Variants in SEPTIN3 observed in about 807,000 individuals in gnomAD.
SEPTIN3 encodes neuronal-specific septin-3.
A neutral mutation model predicts 45.1 loss-of-function variants in SEPTIN3; 15 were observed. The ratio of observed to expected loss-of-function variants is 0.33; its 90% CI spans 0.22 to 0.51. SEPTIN3 has a LOEUF of 0.51. SEPTIN3 is among the 20% of genes least tolerant of loss of function. The pLI, the probability that SEPTIN3 is intolerant of heterozygous loss-of-function variation, is 0.97. For missense variants in SEPTIN3, 289 were observed against 457.2 expected, an observed-to-expected ratio of 0.63 and a Z score of 3.35; for synonymous variants, 148 against 164.8, an observed-to-expected ratio of 0.90 and a Z score of 0.78.
chr22:41,993,392 T>G (rs941167747), intron 9 of SEPTIN3, among the ~76,000 whole-genome samples: 1 of 151,908 alleles, frequency 6.6e-6, no homozygotes, highest in African/African-American at 2.4e-5. Context: ...TGGCGCAATC[T>G]CAGCTCACTG....
Position 41,983,128 on chromosome 22 carries a change from G to A in SEPTIN3, c.1696+1292G>A, listed in dbSNP as rs190540138. ...CTGACTTTCTCTCACCTGGCTTGCC[G>A]TGGCCACCTGACTCTGTGCTGTCAA... On this transcript the variant is annotated intron_variant, in intron 3 of 11. Coordinates refer to ENST00000644076, the MANE Select transcript of SEPTIN3 (RefSeq NM_001363845.2). Among the ~76,000 whole-genome samples the A allele has an allele frequency of 1.2e-3, 178 of 152,214 alleles. 1 individual carries two copies. Among genetic ancestry groups the A allele is most frequent in the Non-Finnish European group, 2.3e-3 (154 of 68,026 alleles).
intron 7 of SEPTIN3, 67 bp downstream of exon 7, chr22:41,989,751 A>G: frequency 1.9e-6 from 2 of 1,046,960 alleles, no homozygotes; most frequent in Non-Finnish European, 3.0e-6. Context: ...GGTTCAGGCC[A>G]TCTCCTAGCC....
At chr22:41,990,126 C>T (rs9620005) in intron 7 of SEPTIN3, among the ~76,000 whole-genome samples, 496 of 151,916 alleles carry the variant, frequency 3.3e-3, no homozygotes, top group African/African-American at 0.011. Context: ...CTGCAAGCTC[C>T]GCCTTACGGG....
At chr22:41,975,413 C>T (rs1161454838) in intron 2 of SEPTIN3, among the ~76,000 whole-genome samples, 1 of 152,170 alleles carries the variant, frequency 6.6e-6, no homozygotes. Context: ...CCCTCCACCC[C>T]ACACACTCAG....
intron 3 of SEPTIN3, among the ~76,000 whole-genome samples, chr22:41,983,602 G>A (rs556077657): frequency 2.0e-5 from 3 of 152,268 alleles, no homozygotes; most frequent in Non-Finnish European, 4.4e-5. Flanking sequence ...CTCAGAAGAG[G>A]CAGTGCTCGT....
At chr22:41,975,646 C>T (rs2146671053) in intron 2 of SEPTIN3, among the ~76,000 whole-genome samples, 1 of 152,294 alleles carries the variant, frequency 6.6e-6, no homozygotes, top group South Asian at 2.1e-4. Context: ...GTAGGCATTG[C>T]CTACCTTTTA....
rs780681300 is a variant in SEPTIN3 at position 41,981,669 on chromosome 22, C to T, written c.1529C>T (p.Ala510Val). 2 of 1,613,598 alleles carry T rather than the reference C, an allele frequency of 1.2e-6. No homozygotes were observed. Among genetic ancestry groups the T allele is most frequent in the Non-Finnish European group, 1.7e-6 (2 of 1,179,992 alleles). The stretch of plus-strand genomic sequence containing the variant: ...GGGCTCCCAGAGACCAGGACGGACG[C>T]AGCCATGTCAGAGCTGGTGCCTGAG... ...YKGLPETRTDAAMSELVPEPR... is the reference protein window; with the variant it reads ...YKGLPETRTDVAMSELVPEPR... Residue 510 changes from alanine (A) to valine (V), a missense_variant, in exon 3 of 12, where the codon GCA becomes GTA. Transcript: ENST00000644076.
At chr22:41,990,836 G>A (rs561335802) in intron 7 of SEPTIN3, among the ~76,000 whole-genome samples, 2 of 151,876 alleles carry the variant, frequency 1.3e-5, no homozygotes, top group East Asian at 3.9e-4. Context: ...GGCCAAGGCG[G>A]GTGGATCACC....
intron 4 of SEPTIN3, among the ~76,000 whole-genome samples, chr22:41,986,359 A>G (rs1220621243): frequency 6.6e-6 from 1 of 152,134 alleles, no homozygotes; most frequent in Non-Finnish European, 1.5e-5. Flanking sequence ...ACAGGTAGAA[A>G]GAGGTAAGGA....
intron 5 of SEPTIN3, 91 bp downstream of exon 5, chr22:41,987,378 G>A: frequency 7.9e-7 from 1 of 1,268,222 alleles, no homozygotes. Context: ...AGAACCATCT[G>A]CACCCTCCAT....
Position 41,976,055 on chromosome 22 carries a change from C to T in SEPTIN3, c.1504+3059C>T, listed in dbSNP as rs1040239805. 2.0e-5 allele frequency among the ~76,000 whole-genome samples: 3 copies of T among 152,170 alleles called. No individual in the cohort carries two copies. The highest frequency in any genetic ancestry group is 7.2e-5 in the African/African-American group (3 of 41,434). On this transcript the variant is annotated intron_variant, in intron 2 of 11. Transcript: ENST00000644076. This position sits in a 1 kb window ranked among gnomAD's most constrained non-coding sequence, Gnocchi z 5.8. ...GTCCACCAGCACCACGCAGCTCTCA[C>T]CTCTGGAGACCCTCACCTCTGCTGT...
chr22:41,973,970 ACT>A (rs1466764941), intron 2 of SEPTIN3, among the ~76,000 whole-genome samples: 1 of 151,814 alleles, frequency 6.6e-6, no homozygotes, highest in Non-Finnish European at 1.5e-5. Flanking sequence ...ACAGAGTAAG[ACT>A]CTGTCTCAAA....
chr22:41,975,897 G>A (rs1003336067), intron 2 of SEPTIN3, among the ~76,000 whole-genome samples: 1 of 152,100 alleles, frequency 6.6e-6, no homozygotes, highest in Non-Finnish European at 1.5e-5. Flanking sequence ...CTTAATATTC[G>A]TCAGTGACTC....
intron 9 of SEPTIN3, among the ~76,000 whole-genome samples, chr22:41,993,797 T>C (rs1389709288): frequency 6.6e-6 from 1 of 152,214 alleles, no homozygotes; most frequent in African/African-American, 2.4e-5. Context: ...CCTGGCCCCA[T>C]GTCTTAATCC....
chr22:41,989,037 G>A (rs183572134), intron 6 of SEPTIN3, among the ~76,000 whole-genome samples: 1 of 148,888 alleles, frequency 6.7e-6, no homozygotes, highest in East Asian at 2.1e-4. Flanking sequence ...GAGGTGGGAG[G>A]ATTGCTTGAG....
chr22:41,994,883 C>CTGTGTGTGTG lies in SEPTIN3; in HGVS notation c.2505+200_2505+209dup, dbSNP rs59942714. ...GTCTGGTATTTGTGGAGCATCTTGT[C>CTGTGTGTGTG]TGTGTGTGTGTGTGTGTGTGTGTGT... On this transcript the variant is annotated intron_variant, in intron 11 of 11. Transcript: ENST00000644076. The surrounding 1 kb of genome is among the most constrained non-coding windows in gnomAD (Gnocchi z 4.2). 2.7e-3 allele frequency: 3,632 copies of CTGTGTGTGTG among 1,342,478 alleles called. 30 individuals are homozygous for CTGTGTGTGTG. In the East Asian group the frequency reaches 0.061, roughly 22 times the overall value. The allele number at this position is 1,342,478 out of a possible 1,614,324, so 83.2% of individuals were successfully genotyped here.
intron 11 of SEPTIN3, chr22:41,996,673 A>G (rs748811910): frequency 1.0e-5 from 14 of 1,397,600 alleles, no homozygotes; most frequent in African/African-American, 2.9e-5. Context: ...GAGGTTATAC[A>G]TTTCAACAGA....
intron 7 of SEPTIN3, 26 bp from the exon 8 acceptor site, chr22:41,991,547 A>G (rs765541219): frequency 6.5e-7 from 1 of 1,537,910 alleles, no homozygotes; most frequent in African/African-American, 1.4e-5. Context: ...ACACTTGACT[A>G]CCTTGTTTCT....
chr22:41,987,950 T>C (rs58273424), intron 6 of SEPTIN3, among the ~76,000 whole-genome samples, 191 bp downstream of exon 6: 5,789 of 152,016 alleles, frequency 0.038, 340 homozygotes, highest in African/African-American at 0.13. Flanking sequence ...ACGAGGAAGT[T>C]TGACTTTCTT....
Sources: gnomAD v4.1 joint callset for allele counts (sites outside exome capture counted in the v4.1 genomes callset) on GRCh38, gnomAD v4.1.1 for gene constraint, Gnocchi (gnomAD v3.1) non-coding constraint, MANE v1.5 for transcripts, NCBI Gene and HGNC (gene_info 2026-07-23, HGNC 2026-07-21) for gene names.